Variants in FGF12 observed in about 807,000 individuals in gnomAD.
The protein encoded by FGF12 is fibroblast growth factor 12B.
FGF12 carries 14 observed loss-of-function variants against 23.6 expected under a neutral mutation model. The observed-to-expected ratio is 0.59, with a 90% CI of 0.39 to 0.93. The LOEUF is 0.93. Ranked by LOEUF, FGF12 falls within the 40% of genes least tolerant of loss-of-function variation. The probability of loss-of-function intolerance (pLI) is 0.00; values close to 1 mark genes in which losing one functional copy is unlikely to be tolerated. For missense variants in FGF12, 175 were observed against 217.8 expected, an observed-to-expected ratio of 0.80 and a Z score of 1.24; for synonymous variants, 62 against 77.3, an observed-to-expected ratio of 0.80 and a Z score of 1.04.
chr3:192,215,026 C>A (rs867477051), intron 4 of FGF12, among the ~76,000 whole-genome samples: 1 of 152,162 alleles, frequency 6.6e-6, no homozygotes, highest in African/African-American at 2.4e-5. Flanking sequence ...AATGACTAAT[C>A]GACATGGAGG....
rs531798012 is a variant in FGF12 at position 192,199,054 on chromosome 3, G to A, written c.229-28398C>T. Among the ~76,000 whole-genome samples the A allele has an allele frequency of 4.6e-5, 7 of 152,316 alleles. No individual in the cohort carries two copies. In the South Asian group the frequency reaches 8.3e-4, roughly 18 times the overall value. Reference sequence around the variant, plus strand: ...AGCTAATTTAGCTCTTCTCAGCACCGTTTCAAGGAAGATATGTGCAAGATG... The same window carrying A: ...AGCTAATTTAGCTCTTCTCAGCACCATTTCAAGGAAGATATGTGCAAGATG... On this transcript the variant is annotated intron_variant, in intron 4 of 5. Transcript: ENST00000445105.
rs990653182 is a variant in FGF12 at position 192,580,851 on chromosome 3, G to A, written c.13+146330C>T. Among the ~76,000 whole-genome samples, 16 of 152,048 alleles carry A rather than the reference G, an allele frequency of 1.1e-4. No homozygotes were observed. The East Asian group carries it at 1.2e-3, about 11-fold the overall frequency. On this transcript the variant is annotated intron_variant, in intron 2 of 5. Coordinates refer to ENST00000445105, the MANE Select transcript of FGF12 (RefSeq NM_004113.6). Reference sequence around the variant, plus strand: ...TGATCTCAGGCAATCTGCCTGCCTCGGCCTCCCAAAGTGCTTGGATTACAG... The same window carrying A: ...TGATCTCAGGCAATCTGCCTGCCTCAGCCTCCCAAAGTGCTTGGATTACAG...
chr3:192,716,722 G>A (rs898488858), intron 2 of FGF12, among the ~76,000 whole-genome samples: 1 of 152,158 alleles, frequency 6.6e-6, no homozygotes, highest in African/African-American at 2.4e-5. Flanking sequence ...TTTAAGCTTG[G>A]TTCTTTATAT....
rs1553831582 is a variant in FGF12, at chr3:192,567,753, C to CTTTCTT, written c.13+159422_13+159427dup. The stretch of plus-strand genomic sequence containing the variant: ...CATGTGTCTCTTTCTTTCTTTCTTT[C>CTTTCTT]TTTCTTTCTTTCTTTCTTTCTTTCT... On this transcript the variant is annotated intron_variant, in intron 2 of 5. Coordinates refer to ENST00000445105, the MANE Select transcript of FGF12 (RefSeq NM_004113.6). 1.9e-3 allele frequency among the ~76,000 whole-genome samples: 238 copies of CTTTCTT among 126,208 alleles called. 2 individuals carry two copies. Among genetic ancestry groups the CTTTCTT allele is most frequent in the African/African-American group, 6.5e-3 (225 of 34,746 alleles). The allele number at this position is 126,208 out of a possible 152,430, so 82.8% of individuals were successfully genotyped here.
chr3:192,479,011 T>C (rs1371772857), intron 2 of FGF12, among the ~76,000 whole-genome samples: 1 of 152,208 alleles, frequency 6.6e-6, no homozygotes, highest in Non-Finnish European at 1.5e-5. Flanking sequence ...GATCAAAATA[T>C]GGAAGCCTAA....
At chr3:192,287,559 TA>T (rs967696617) in intron 4 of FGF12, among the ~76,000 whole-genome samples, 37 of 152,110 alleles carry the variant, frequency 2.4e-4, no homozygotes, top group African/African-American at 8.4e-4. Context: ...AGATTACATT[TA>T]AAAAGCCAGC....
chr3:192,216,944 G>A (rs918550340), intron 4 of FGF12, among the ~76,000 whole-genome samples: 6 of 152,228 alleles, frequency 3.9e-5, no homozygotes, highest in East Asian at 1.9e-4. Flanking sequence ...TGAATTAATC[G>A]AATCAGGAAA....
intron 3 of FGF12, among the ~76,000 whole-genome samples, chr3:192,339,732 T>A (rs1717602028): frequency 6.6e-6 from 1 of 152,222 alleles, no homozygotes. Flanking sequence ...CTTTTCCAGA[T>A]GGCTTATTTC....
intron 2 of FGF12, among the ~76,000 whole-genome samples, chr3:192,395,456 T>A (rs1720478159): frequency 6.6e-6 from 1 of 152,246 alleles, no homozygotes; most frequent in Admixed American, 6.5e-5. Flanking sequence ...AATACTGATT[T>A]ATTTTCTTTC....
intron 5 of FGF12, among the ~76,000 whole-genome samples, chr3:192,157,212 C>G (rs1714475381): frequency 6.6e-6 from 1 of 152,178 alleles, no homozygotes; most frequent in African/African-American, 2.4e-5. Context: ...TGACCCAGCA[C>G]AGTGAAGGTT....
intron 2 of FGF12, among the ~76,000 whole-genome samples, chr3:192,587,642 C>T (rs1335075429): frequency 1.3e-5 from 2 of 151,494 alleles, no homozygotes; most frequent in Non-Finnish European, 2.9e-5. Flanking sequence ...ATAGTGAGAC[C>T]CTATCACTGT....
chr3:192,624,800 C>T (rs190807556), intron 2 of FGF12, among the ~76,000 whole-genome samples: 82 of 151,996 alleles, frequency 5.4e-4, no homozygotes, highest in South Asian at 1.5e-3. Context: ...GTTTAAAAAC[C>T]GAAAGTGTAA....
At chr3:192,519,475 A>C (rs112533529) in intron 2 of FGF12, among the ~76,000 whole-genome samples, 16 of 152,176 alleles carry the variant, frequency 1.1e-4, no homozygotes, top group African/African-American at 3.4e-4. Context: ...GATGTCAGTT[A>C]GTGGTATTAA....
At chr3:192,505,759 GA>G (rs1341674156) in intron 2 of FGF12, among the ~76,000 whole-genome samples, 1 of 152,282 alleles carries the variant, frequency 6.6e-6, no homozygotes, top group African/African-American at 2.4e-5. Context: ...GCGGTTAATT[GA>G]AAAATCACAG....
intron 2 of FGF12, among the ~76,000 whole-genome samples, chr3:192,713,299 A>T (rs1242351192): frequency 6.6e-6 from 1 of 152,202 alleles, no homozygotes. Flanking sequence ...ACGCTGAGAA[A>T]TTAAGAGGTA....
At chr3:192,617,474 T>G (rs1714803455) in intron 2 of FGF12, among the ~76,000 whole-genome samples, 1 of 152,068 alleles carries the variant, frequency 6.6e-6, no homozygotes, top group Non-Finnish European at 1.5e-5. Flanking sequence ...CAGAACCTTC[T>G]CCAACTTGAC....
intron 2 of FGF12, among the ~76,000 whole-genome samples, chr3:192,637,711 A>T (rs1344315362): frequency 6.6e-6 from 1 of 152,234 alleles, no homozygotes; most frequent in Admixed American, 6.5e-5. Flanking sequence ...AGTAATAAAA[A>T]TCTTCAGATA....
At chr3:192,583,592 TA>T (rs1179432898) in intron 2 of FGF12, among the ~76,000 whole-genome samples, 3 of 152,116 alleles carry the variant, frequency 2.0e-5, no homozygotes, top group Admixed American at 2.0e-4. Flanking sequence ...TGAATCTTTC[TA>T]AAATGGATCA....
At chr3:192,499,516 ATTTTTT>A (rs71177364) in intron 2 of FGF12, among the ~76,000 whole-genome samples, 184 of 38,632 alleles carry the variant, frequency 4.8e-3, no homozygotes, top group African/African-American at 0.018. Context: ...ATATATATAT[ATTTTTT>A]TTTTTTTTTT....
Sources: allele counts gnomAD v4.1 joint callset (sites outside exome capture counted in the v4.1 genomes callset), GRCh38; gene constraint gnomAD v4.1.1; transcripts MANE v1.5; gene names NCBI Gene and HGNC (gene_info 2026-07-23, HGNC 2026-07-21).